The following KCNQ1OT1 variants were observed in gnomAD, a reference collection of about 807,000 sequenced individuals.
The protein encoded by KCNQ1OT1 is KCNQ1 opposite strand/antisense transcript 1, also known as KCNQ1 antisense RNA 2 (non-protein coding).
chr11:2,677,343 A>G lies in KCNQ1OT1; in HGVS notation n.22652T>C, dbSNP rs1850311668. 8 of 398,624 alleles carry G rather than the reference A, an allele frequency of 2.0e-5. 1 individual carries two copies. In the East Asian group the frequency reaches 2.1e-4, roughly 11 times the overall value. The allele number at this position is 398,624 out of a possible 1,614,324, so 24.7% of individuals were successfully genotyped here. On this transcript the variant is annotated non_coding_transcript_exon_variant, in exon 1 of 1. Coordinates refer to ENST00000597346, the Ensembl canonical transcript of KCNQ1OT1. The surrounding 1 kb of genome is among the most constrained non-coding windows in gnomAD (Gnocchi z 4.5). ...ATGTCAAATGATTTCTCAAATAGAGACTGGGCAGAGTAGACCAGTTAGTTA... is the reference window on the plus strand; with the variant it reads ...ATGTCAAATGATTTCTCAAATAGAGGCTGGGCAGAGTAGACCAGTTAGTTA...
In KCNQ1OT1 at chr11:2,677,595, C is replaced by T. The variant is rs551681765; in HGVS notation, n.22400G>A. 2.5e-6 allele frequency: 1 copy of T among 398,540 alleles called. No homozygotes were observed. Among genetic ancestry groups the T allele is most frequent in the South Asian group, 1.3e-4 (1 of 7,850 alleles). The allele number at this position is 398,540 out of a possible 1,614,324, so 24.7% of individuals were successfully genotyped here. ...CTTTACAAAAGACAAACCAAAATCC[C>T]CTCTGGATTTGTTTTTTTCTAAAAC... On this transcript the variant is annotated non_coding_transcript_exon_variant, in exon 1 of 1. Coordinates refer to ENST00000597346, the Ensembl canonical transcript of KCNQ1OT1. The surrounding 1 kb of genome is among the most constrained non-coding windows in gnomAD (Gnocchi z 4.5).
In KCNQ1OT1 at chr11:2,670,013, G is replaced by A. The variant is rs1314535711; in HGVS notation, n.29982C>T. The A allele has an allele frequency of 2.5e-6, 1 of 398,536 alleles. No homozygotes were observed. The highest frequency in any genetic ancestry group is 4.4e-6 in the Non-Finnish European group (1 of 226,130). The allele number at this position is 398,536 out of a possible 1,614,324, so 24.7% of individuals were successfully genotyped here. On this transcript the variant is annotated non_coding_transcript_exon_variant, in exon 1 of 1. Transcript: ENST00000597346. This position sits in a 1 kb window ranked among gnomAD's most constrained non-coding sequence, Gnocchi z 4.9. ...TCGGAATGGGGTTCAGGAGCTGTTG[G>A]GGTCCCGTGGAGGTACAGGCGGAAA...
exon 1 of KCNQ1OT1, chr11:2,630,278 T>C (rs944034897): frequency 1.0e-5 from 4 of 398,230 alleles, no homozygotes; most frequent in African/African-American, 8.2e-5. Flanking sequence ...TTGTGATATA[T>C]GATTTTTTTA....
At chr11:2,646,858 T>C (rs1263640556) in exon 1 of KCNQ1OT1, 2 of 398,574 alleles carry the variant, frequency 5.0e-6, no homozygotes, top group Non-Finnish European at 8.8e-6. Flanking sequence ...TGCAACTTTA[T>C]TGAATTCCTT....
rs1849768629 is a variant in KCNQ1OT1, at chr11:2,652,229, A to T, written n.47766T>A. ...GGCCTGGAGCCGGATGCTGAGAATG[A>T]GGCCTGCAACTCATTTCCCCATTAA... On this transcript the variant is annotated non_coding_transcript_exon_variant, in exon 1 of 1. Coordinates refer to ENST00000597346, the Ensembl canonical transcript of KCNQ1OT1. The surrounding 1 kb of genome is among the most constrained non-coding windows in gnomAD (Gnocchi z 5.9). 7.5e-6 allele frequency: 3 copies of T among 398,626 alleles called. No homozygotes were observed. Among genetic ancestry groups the T allele is most frequent in the Non-Finnish European group, 1.3e-5 (3 of 226,086 alleles). The allele number at this position is 398,626 out of a possible 1,614,324, so 24.7% of individuals were successfully genotyped here.
chr11:2,695,143 C>T lies in KCNQ1OT1; in HGVS notation n.4852G>A, dbSNP rs1850652729. On this transcript the variant is annotated non_coding_transcript_exon_variant, in exon 1 of 1. Coordinates refer to ENST00000597346, the Ensembl canonical transcript of KCNQ1OT1. This position sits in a 1 kb window ranked among gnomAD's most constrained non-coding sequence, Gnocchi z 5.2. ...ATGGAGGCACATTCATTCGTTGGTT[C>T]TTGGCTTTTGGGACTCTGCACAGAG... is the stretch of plus-strand genomic sequence containing the variant. The T allele has an allele frequency of 2.5e-6, 1 of 398,516 alleles. No individual in the cohort carries two copies. Among genetic ancestry groups the T allele is most frequent in the Admixed American group, 4.4e-5 (1 of 22,714 alleles). The allele number at this position is 398,516 out of a possible 1,614,324, so 24.7% of individuals were successfully genotyped here. A position where few individuals can be genotyped will look rare whatever the true frequency, so the allele number is the denominator to read the frequency against.
Position 2,624,787 on chromosome 11 carries a change from T to G in KCNQ1OT1, n.75208A>C. 1 of 398,594 alleles carries G rather than the reference T, an allele frequency of 2.5e-6. No homozygotes were observed. The highest frequency in any genetic ancestry group is 4.4e-6 in the Non-Finnish European group (1 of 226,054). 24.7% of individuals were successfully genotyped at this position (398,594 alleles called of 1,614,324 possible). A position where few individuals can be genotyped will look rare whatever the true frequency, so the allele number is the denominator to read the frequency against. On this transcript the variant is annotated non_coding_transcript_exon_variant, in exon 1 of 1. Coordinates refer to ENST00000597346, the Ensembl canonical transcript of KCNQ1OT1. This position sits in a 1 kb window ranked among gnomAD's most constrained non-coding sequence, Gnocchi z 4.9. ...CTTGGAAACCACCTTGTACTTTCTA[T>G]GTCTCTGATTTGACTATTCTACATA...
In KCNQ1OT1 at chr11:2,643,506, T is replaced by C. The variant is rs1849611892; in HGVS notation, n.56489A>G. ...GGTTTTTGTTTCCTTTTGCATGTAA[T>C]ATCTTTTCCCATTCCTTTCTTTCAA... On this transcript the variant is annotated non_coding_transcript_exon_variant, in exon 1 of 1. Coordinates refer to ENST00000597346, the Ensembl canonical transcript of KCNQ1OT1. 1.3e-5 allele frequency: 5 copies of C among 398,380 alleles called. No individual in the cohort carries two copies. In the South Asian group the frequency reaches 5.1e-4, roughly 41 times the overall value. The allele number at this position is 398,380 out of a possible 1,614,324, so 24.7% of individuals were successfully genotyped here.
chr11:2,644,261 T>G, exon 1 of KCNQ1OT1: 4 of 398,510 alleles, frequency 1.0e-5, no homozygotes, highest in Non-Finnish European at 1.8e-5. Flanking sequence ...CACATAGCCT[T>G]TGTTCATTCT....
At position 2,659,280 on chromosome 11, in the gene KCNQ1OT1, C is replaced by T. The variant is rs1849908828; in HGVS notation, n.40715G>A. Reference sequence around the variant, plus strand: ...AAGTCAAGTACTTCTCCCCTAACCACTGGCAGCTATTGATCTGTTTTATGT... The same window carrying T: ...AAGTCAAGTACTTCTCCCCTAACCATTGGCAGCTATTGATCTGTTTTATGT... On this transcript the variant is annotated non_coding_transcript_exon_variant, in exon 1 of 1. Transcript: ENST00000597346. The surrounding 1 kb of genome is among the most constrained non-coding windows in gnomAD (Gnocchi z 4.3). The T allele has an allele frequency of 2.5e-6, 1 of 398,514 alleles. No individual in the cohort carries two copies. The highest frequency in any genetic ancestry group is 4.4e-6 in the Non-Finnish European group (1 of 226,064). The allele number at this position is 398,514 out of a possible 1,614,324, so 24.7% of individuals were successfully genotyped here.
Position 2,668,527 on chromosome 11 carries a change from G to A in KCNQ1OT1, n.31468C>T, listed in dbSNP as rs1850124243. The A allele has an allele frequency of 5.0e-6, 2 of 398,442 alleles. No individual in the cohort carries two copies. The highest frequency in any genetic ancestry group is 8.8e-6 in the Non-Finnish European group (2 of 226,062). 24.7% of individuals were successfully genotyped at this position (398,442 alleles called of 1,614,324 possible). On this transcript the variant is annotated non_coding_transcript_exon_variant, in exon 1 of 1. Coordinates refer to ENST00000597346, the Ensembl canonical transcript of KCNQ1OT1. This position sits in a 1 kb window ranked among gnomAD's most constrained non-coding sequence, Gnocchi z 4.3. ...CAGCATCAAATGGTGATTTTAATTTGCAGTAACCTGTTGACTAATGAAGTT... is the reference window on the plus strand; with the variant it reads ...CAGCATCAAATGGTGATTTTAATTTACAGTAACCTGTTGACTAATGAAGTT...
At chr11:2,694,361 G>A (rs966479313) in exon 1 of KCNQ1OT1, 7 of 398,578 alleles carry the variant, frequency 1.8e-5, no homozygotes, top group African/African-American at 1.0e-4. Context: ...AATGTCTGGA[G>A]ATATTTTTGG....
At chr11:2,615,548 C>A (rs989291410) in exon 1 of KCNQ1OT1, 1 of 397,764 alleles carries the variant, frequency 2.5e-6, no homozygotes, top group Non-Finnish European at 4.4e-6. Flanking sequence ...TTTCACAAAT[C>A]CTCTTTAACA....
chr11:2,649,948 T>C (rs755481831), exon 1 of KCNQ1OT1: 9 of 398,400 alleles, frequency 2.3e-5, no homozygotes, highest in Non-Finnish European at 3.5e-5. Flanking sequence ...AGCTTAATAG[T>C]GTCTCATATG....
chr11:2,628,521 C>G (rs1008789981), exon 1 of KCNQ1OT1: 16 of 398,088 alleles, frequency 4.0e-5, no homozygotes, highest in East Asian at 7.1e-5. Context: ...TATATGAGTT[C>G]CTTATATATA....
exon 1 of KCNQ1OT1, chr11:2,697,342 T>G: frequency 5.0e-6 from 2 of 398,636 alleles, no homozygotes; most frequent in Non-Finnish European, 8.8e-6. Flanking sequence ...TGAGCTACAC[T>G]AAGTTTTATC....
rs1849185845 is a variant in KCNQ1OT1, at chr11:2,622,247, T to A, written n.77748A>T. 1.5e-5 allele frequency: 6 copies of A among 398,392 alleles called. No individual in the cohort carries two copies. In the East Asian group the frequency reaches 2.1e-4, roughly 14 times the overall value. The allele number at this position is 398,392 out of a possible 1,614,324, so 24.7% of individuals were successfully genotyped here. On this transcript the variant is annotated non_coding_transcript_exon_variant, in exon 1 of 1. Coordinates refer to ENST00000597346, the Ensembl canonical transcript of KCNQ1OT1. Reference sequence around the variant, plus strand: ...CTGGGGCTCTATATTTTGGTGTGTATACGTTTCCAATTGCGAAGTCTTGAG... The same window carrying A: ...CTGGGGCTCTATATTTTGGTGTGTAAACGTTTCCAATTGCGAAGTCTTGAG...
At position 2,611,905 on chromosome 11, in the gene KCNQ1OT1, C is replaced by A; in HGVS notation, n.88090G>T. The A allele has an allele frequency of 2.5e-6, 1 of 398,470 alleles. No individual in the cohort carries two copies. Among genetic ancestry groups the A allele is most frequent in the Non-Finnish European group, 4.4e-6 (1 of 226,026 alleles). 24.7% of individuals were successfully genotyped at this position (398,470 alleles called of 1,614,324 possible). On this transcript the variant is annotated non_coding_transcript_exon_variant, in exon 1 of 1. Coordinates refer to ENST00000597346, the Ensembl canonical transcript of KCNQ1OT1. This position sits in a 1 kb window ranked among gnomAD's most constrained non-coding sequence, Gnocchi z 5.3. ...AGTGTAATCTGGAGGTTACAATAAG[C>A]AGCTTAAGCAAAAACAATCTGCTTC...
At chr11:2,633,795 G>A (rs1849404090) in exon 1 of KCNQ1OT1, 1 of 398,376 alleles carries the variant, frequency 2.5e-6, no homozygotes, top group Non-Finnish European at 4.4e-6. Flanking sequence ...TTGCTTCCGA[G>A]ACCCCCTGTA....
Sources: allele counts gnomAD v4.1 joint callset, GRCh38; gene constraint gnomAD v4.1.1; non-coding constraint Gnocchi (gnomAD v3.1); transcripts MANE v1.5; gene names NCBI Gene and HGNC (gene_info 2026-07-23, HGNC 2026-07-21).